The following PLCH2 variants were observed in gnomAD, a reference collection of about 807,000 sequenced individuals.
The protein encoded by PLCH2 is phospholipase C eta 2, also known as 1-phosphatidylinositol 4,5-bisphosphate phosphodiesterase eta-2.
Under a neutral mutation model 134.7 loss-of-function variants are expected in PLCH2, and 98 were observed. The observed-to-expected ratio is 0.73, with a 90% confidence interval of 0.62 to 0.86. The LOEUF (loss-of-function observed/expected upper bound fraction) is 0.86, where lower values mean the gene tolerates loss of function less well. PLCH2 is among the 40% of genes least tolerant of loss of function. PLCH2 has a pLI of 0.00. For missense variants in PLCH2, 1,994 were observed against 1,986.6 expected (o/e 1.00, Z -0.07); for synonymous variants, 974 against 827.5 (o/e 1.18, Z -3.04).
upstream of PLCH2, among the ~76,000 whole-genome samples, chr1:2,425,825 T>C (rs542014258): frequency 2.8e-4 from 43 of 152,122 alleles, no homozygotes; most frequent in Non-Finnish European, 5.7e-4. Context: ...GCTGGGCTCA[T>C]GCATTTTTGA....
intron 2 of PLCH2, among the ~76,000 whole-genome samples, chr1:2,442,101 G>T (rs911298115): frequency 1.3e-5 from 2 of 152,150 alleles, no homozygotes; most frequent in African/African-American, 4.8e-5. Context: ...GCCTCTCCGC[G>T]GTGAGCTTTG....
upstream of PLCH2, among the ~76,000 whole-genome samples, chr1:2,424,385 C>G (rs1397425335): frequency 1.3e-5 from 2 of 152,204 alleles, no homozygotes; most frequent in African/African-American, 4.8e-5. Context: ...ATTCCCCAAA[C>G]CCTGGCCTCT....
chr1:2,455,630 G>A (rs879496420), intron 2 of PLCH2, among the ~76,000 whole-genome samples: 1 of 152,176 alleles, frequency 6.6e-6, no homozygotes, highest in African/African-American at 2.4e-5. Context: ...TGTTCCCTGG[G>A]GTCCTGGGGG....
Position 2,439,939 on chromosome 1 carries a change from A to T in PLCH2, c.115+9310A>T, listed in dbSNP as rs1018002229. ...ATCAGGGCAAGGTCATGTCCGGGAC[A>T]CTGCGGGGGACAAGGCAACCAGGGA... On this transcript the variant is annotated intron_variant, in intron 2 of 3. Transcript: ENST00000609981. The surrounding 1 kb of genome is among the most constrained non-coding windows in gnomAD (Gnocchi z 4.7). 6.6e-6 allele frequency among the ~76,000 whole-genome samples: 1 copy of T among 152,138 alleles called. No homozygotes were observed. The highest frequency in any genetic ancestry group is 2.4e-5 in the African/African-American group (1 of 41,434).
chr1:2,487,443 G>A, intron 7 of PLCH2, 67 bp downstream of exon 7: 1 of 1,503,666 alleles, frequency 6.7e-7, no homozygotes, highest in South Asian at 1.2e-5. Flanking sequence ...CTGCACCTGA[G>A]GAGCCCCCGG....
intron 2 of PLCH2, among the ~76,000 whole-genome samples, chr1:2,449,667 A>G (rs1557957731): frequency 6.6e-6 from 1 of 152,198 alleles, no homozygotes; most frequent in African/African-American, 2.4e-5. Context: ...GGTGGAGGAC[A>G]TGGCTCTGGA....
chr1:2,467,525 C>A, exon 1 of PLCH2: 1 of 398,174 alleles, frequency 2.5e-6, no homozygotes, highest in South Asian at 1.2e-4. Context: ...GCGGGGTGCC[C>A]CTGCTCGGGC....
Position 2,484,442 on chromosome 1 carries a change from T to C in PLCH2, c.646-6T>C, listed in dbSNP as rs745986960. On this transcript the variant is annotated splice_region_variant and splice_polypyrimidine_tract_variant and intron_variant, in intron 4 of 21. Transcript: ENST00000378486. ...GCCAATGGGGACCCAAGGCCTTGCA[T>C]TGCAGGAAGCGGACACGGATGACCA... 40 of 1,612,858 alleles carry C rather than the reference T, an allele frequency of 2.5e-5. No homozygotes were observed. The highest frequency in any genetic ancestry group is 8.3e-5 in the Admixed American group (5 of 59,936).
At chr1:2,417,487 T>G in the PLCH2 span, among the ~76,000 whole-genome samples, 1 of 152,038 alleles carries the variant, frequency 6.6e-6, no homozygotes, top group Non-Finnish European at 1.5e-5. Context: ...AGGGTGGGGT[T>G]CCCAGGAGAG....
At chr1:2,432,009 C>T (rs1362701181) in intron 2 of PLCH2, among the ~76,000 whole-genome samples, 1 of 152,198 alleles carries the variant, frequency 6.6e-6, no homozygotes, top group Non-Finnish European at 1.5e-5. Flanking sequence ...TGGCCTGCTC[C>T]AGGACAGGCT....
chr1:2,475,993 C>G (rs747110456), upstream of PLCH2, among the ~76,000 whole-genome samples: 1 of 152,222 alleles, frequency 6.6e-6, no homozygotes, highest in Non-Finnish European at 1.5e-5. Context: ...GGCCCAGCCT[C>G]GGCATCTGTG....
At chr1:2,503,868 C>T in intron 21 of PLCH2, 54 bp from the exon 22 acceptor site, 1 of 669,014 alleles carries the variant, frequency 1.5e-6, no homozygotes. Context: ...CTGCCTCCCT[C>T]TCTCTCTTCT....
chr1:2,457,155 G>C (rs1164606916), intron 2 of PLCH2, among the ~76,000 whole-genome samples: 1 of 152,212 alleles, frequency 6.6e-6, no homozygotes, highest in Non-Finnish European at 1.5e-5. Context: ...CTGGGGCTGG[G>C]GGGTACCCAG....
At chr1:2,452,284 C>T (rs1304931152) in intron 2 of PLCH2, among the ~76,000 whole-genome samples, 1 of 152,172 alleles carries the variant, frequency 6.6e-6, no homozygotes, top group African/African-American at 2.4e-5. Flanking sequence ...CCTGGGTCCC[C>T]CTGCCGCCCC....
At chr1:2,494,477 C>A (rs1421704856) in intron 11 of PLCH2, 2 of 337,256 alleles carry the variant, frequency 5.9e-6, no homozygotes, top group Non-Finnish European at 1.1e-5. Flanking sequence ...GCAGGCCTGG[C>A]CGAGCAGTAT....
At chr1:2,456,397 G>A (rs559495375) in intron 2 of PLCH2, among the ~76,000 whole-genome samples, 54 of 152,310 alleles carry the variant, frequency 3.5e-4, no homozygotes, top group African/African-American at 1.1e-3. Flanking sequence ...GGCGGGTGGC[G>A]CTCTAGCCAC....
intron 20 of PLCH2, chr1:2,500,574 C>A (rs1385471409): frequency 6.6e-6 from 1 of 152,294 alleles, no homozygotes; most frequent in East Asian, 1.9e-4. Context: ...GTACCCGGTG[C>A]GCGGGACAGT....
intron 1 of PLCH2, among the ~76,000 whole-genome samples, chr1:2,428,329 C>T (rs919780528): frequency 2.6e-5 from 4 of 152,204 alleles, no homozygotes; most frequent in Non-Finnish European, 5.9e-5. Flanking sequence ...ATGACAAGAC[C>T]AGCCAGTGCT....
rs142732211 is a variant in PLCH2 at position 2,429,778 on chromosome 1, C to T, written c.-177-560C>T. ...GCTGGAGAAAGGAGAAAGGGCTGCC[C>T]GCCATGCCTGTGGCTCCTCCTCGGG... is the stretch of plus-strand genomic sequence containing the variant. On this transcript the variant is annotated intron_variant, in intron 1 of 3. Transcript: ENST00000609981. Among the ~76,000 whole-genome samples, 977 of 152,256 alleles carry T rather than the reference C, an allele frequency of 6.4e-3. 9 individuals carry two copies. The highest frequency in any genetic ancestry group is 0.022 in the African/African-American group (909 of 41,524).
Sources: allele counts gnomAD v4.1 joint callset (sites outside exome capture counted in the v4.1 genomes callset), GRCh38; gene constraint gnomAD v4.1.1; non-coding constraint Gnocchi (gnomAD v3.1); transcripts MANE v1.5; gene names NCBI Gene and HGNC (gene_info 2026-07-23, HGNC 2026-07-21).